The following MOB3B variants were observed in gnomAD, a reference collection of about 807,000 sequenced individuals.
MOB3B encodes MOB kinase activator-like 2B.
Under a neutral mutation model 18.7 loss-of-function variants are expected in MOB3B, and 7 were observed. That is an observed-to-expected ratio of 0.37 (90% confidence interval 0.21 to 0.70). MOB3B has a LOEUF of 0.70. Ranked by LOEUF, MOB3B falls within the 30% of genes least tolerant of loss-of-function variation. The pLI, the probability that MOB3B is intolerant of heterozygous loss-of-function variation, is 0.52. For missense variants in MOB3B, 253 were observed against 281.3 expected, an observed-to-expected ratio of 0.90 and a Z score of 0.72; for synonymous variants, 111 against 99.9, an observed-to-expected ratio of 1.11 and a Z score of -0.66.
chr9:27,352,002 T>C (rs1821111847), intron 3 of MOB3B, among the ~76,000 whole-genome samples: 1 of 152,182 alleles, frequency 6.6e-6, no homozygotes, highest in African/African-American at 2.4e-5. Context: ...GGGTGGGACA[T>C]GCACTTTGGT....
At chr9:27,514,448 T>A (rs1432867659) in intron 1 of MOB3B, among the ~76,000 whole-genome samples, 1 of 151,366 alleles carries the variant, frequency 6.6e-6, no homozygotes, top group Non-Finnish European at 1.5e-5. Context: ...CCTCTGACAA[T>A]GTGGAAATCC....
chr9:27,350,935 T>G (rs1025067747), intron 3 of MOB3B, among the ~76,000 whole-genome samples: 42 of 150,692 alleles, frequency 2.8e-4, no homozygotes, highest in Admixed American at 2.4e-3. Flanking sequence ...GAAGTCTCGC[T>G]GTTGTGCCCC....
At chr9:27,468,789 C>G (rs1258281962) in intron 1 of MOB3B, among the ~76,000 whole-genome samples, 1 of 152,184 alleles carries the variant, frequency 6.6e-6, no homozygotes, top group African/African-American at 2.4e-5. Flanking sequence ...GTTGAGAGGA[C>G]TAGGCCCCCA....
intron 3 of MOB3B, among the ~76,000 whole-genome samples, chr9:27,357,848 T>C (rs1390338834): frequency 3.1e-5 from 4 of 130,776 alleles, no homozygotes; most frequent in African/African-American, 1.2e-4. Context: ...AGCCAGCAGT[T>C]TGAGACAAGC....
At chr9:27,409,888 C>A (rs190087513) in intron 2 of MOB3B, among the ~76,000 whole-genome samples, 1 of 148,982 alleles carries the variant, frequency 6.7e-6, no homozygotes, top group Admixed American at 6.7e-5. Flanking sequence ...TTCAGAGAGA[C>A]AGAAAGTGGA....
chr9:27,439,780 T>A (rs1822566176), intron 2 of MOB3B, among the ~76,000 whole-genome samples: 1 of 148,360 alleles, frequency 6.7e-6, no homozygotes, highest in South Asian at 2.2e-4. Context: ...CTATCACAGA[T>A]GTCTCTGGCA....
chr9:27,363,194 T>C (rs1821298349), intron 2 of MOB3B, among the ~76,000 whole-genome samples: 1 of 152,234 alleles, frequency 6.6e-6, no homozygotes, highest in Non-Finnish European at 1.5e-5. Flanking sequence ...AGGGCTGATC[T>C]GTGTATGTGC....
At chr9:27,508,689 T>C (rs2166128) in intron 1 of MOB3B, among the ~76,000 whole-genome samples, 134,578 of 152,200 alleles carry the variant, frequency 0.88, 59,837 homozygotes, top group Admixed American at 0.92. Flanking sequence ...AAAGGGAGTC[T>C]CAGACAGGCA....
chr9:27,456,197 T>C (rs1021703809), intron 1 of MOB3B, among the ~76,000 whole-genome samples: 8 of 152,164 alleles, frequency 5.3e-5, no homozygotes, highest in Non-Finnish European at 1.2e-4. Context: ...AGCTGGCTAA[T>C]AAGAATGTCT....
At chr9:27,478,433 A>T (rs1264208838) in intron 1 of MOB3B, among the ~76,000 whole-genome samples, 2 of 152,200 alleles carry the variant, frequency 1.3e-5, no homozygotes, top group Non-Finnish European at 2.9e-5. Flanking sequence ...TAAAAACCAT[A>T]ATAAAAGAAC....
chr9:27,446,624 G>A (rs1215638783), intron 2 of MOB3B, among the ~76,000 whole-genome samples: 4 of 152,170 alleles, frequency 2.6e-5, no homozygotes, highest in Admixed American at 6.5e-5. Flanking sequence ...TTTACCTGAT[G>A]AGTCTATTGT....
At chr9:27,447,953 T>C (rs1025709497) in intron 2 of MOB3B, among the ~76,000 whole-genome samples, 1 of 152,046 alleles carries the variant, frequency 6.6e-6, no homozygotes, top group Admixed American at 6.5e-5. Flanking sequence ...AATCTTAGAG[T>C]TCCTACCAGT....
chr9:27,356,152 T>C (rs1424749829), intron 3 of MOB3B, among the ~76,000 whole-genome samples: 1 of 152,220 alleles, frequency 6.6e-6, no homozygotes. Context: ...GTAAAACAAA[T>C]ATATATGTTC....
intron 1 of MOB3B, among the ~76,000 whole-genome samples, chr9:27,504,684 T>C (rs12345275): frequency 0.033 from 5,099 of 152,272 alleles, 216 homozygotes; most frequent in African/African-American, 0.09. Flanking sequence ...TGGAAGCATG[T>C]CAATCCATCC....
chr9:27,400,875 C>T (rs1370999630), intron 2 of MOB3B, among the ~76,000 whole-genome samples: 5 of 152,216 alleles, frequency 3.3e-5, no homozygotes, highest in Admixed American at 6.5e-5. Flanking sequence ...AAATATCTAG[C>T]TTAGGCTTCT....
chr9:27,431,487 A>C (rs914640568), intron 2 of MOB3B, among the ~76,000 whole-genome samples: 5 of 152,222 alleles, frequency 3.3e-5, no homozygotes, highest in African/African-American at 1.2e-4. Context: ...TTCTAGAAAG[A>C]CAAAGCCTTT....
At chr9:27,441,376 T>C (rs1261862021) in intron 2 of MOB3B, among the ~76,000 whole-genome samples, 2 of 152,200 alleles carry the variant, frequency 1.3e-5, no homozygotes, top group Non-Finnish European at 2.9e-5. Context: ...AAGCACTTTA[T>C]GGCTTCTCTT....
At chr9:27,517,450 C>G (rs1000667446) in intron 1 of MOB3B, among the ~76,000 whole-genome samples, 4 of 151,948 alleles carry the variant, frequency 2.6e-5, no homozygotes, top group African/African-American at 7.3e-5. Flanking sequence ...GAGTTTGAGA[C>G]CAGCCTGGCC....
chr9:27,437,316 A>G (rs545734477), intron 2 of MOB3B, among the ~76,000 whole-genome samples: 3 of 152,326 alleles, frequency 2.0e-5, no homozygotes, highest in South Asian at 2.1e-4. Context: ...AGAGACCACT[A>G]GAGGAAAAAG....
Sources: allele counts gnomAD v4.1 joint callset (sites outside exome capture counted in the v4.1 genomes callset), GRCh38; gene constraint gnomAD v4.1.1; transcripts MANE v1.5; gene names NCBI Gene and HGNC (gene_info 2026-07-23, HGNC 2026-07-21).